GEMIN5: variants seen among roughly 807,000 people sequenced by gnomAD.
GEMIN5 encodes the protein gem-associated protein 5.
In GEMIN5, 124 loss-of-function variants were observed where a neutral mutation model predicts 176.9. That is an observed-to-expected ratio of 0.70 (90% CI 0.61 to 0.81). The LOEUF (loss-of-function observed/expected upper bound fraction) is 0.81, where lower values mean the gene tolerates loss of function less well. GEMIN5 is among the 40% of genes least tolerant of loss of function. The pLI is 0.00. For missense variants in GEMIN5, 1,843 were observed against 1,814.6 expected (o/e 1.02, Z -0.28); for synonymous variants, 673 against 665.2 (o/e 1.01, Z -0.18).
At chr5:154,928,883 A>G (rs543088989) in intron 5 of GEMIN5, among the ~76,000 whole-genome samples, 1 of 152,210 alleles carries the variant, frequency 6.6e-6, no homozygotes, top group East Asian at 1.9e-4. Flanking sequence ...ATTTAGGTCA[A>G]ACAAGCTTCG....
Position 154,888,220 on chromosome 5 carries a change from A to G in GEMIN5, c.4517T>C (p.Phe1506Ser). The change falls in exon 28 of 28, where the codon TTC (phenylalanine) becomes TCC (serine). Residue 1506 changes from phenylalanine (F) to serine (S), a missense_variant. Phe to Ser is a radical substitution (Grantham distance 155, BLOSUM62 -2). Coordinates refer to ENST00000285873, the MANE Select transcript of GEMIN5 (RefSeq NM_015465.5). ...TKTYRRHCQTFCM is the reference protein window; with the variant it reads ...TKTYRRHCQTSCM ...AAGGTGTGTGAAAATTCACATACAG[A>G]AGGTCTGGCAGTGTCTTCTGTAAGT... 1 of 1,614,102 alleles carries G rather than the reference A, an allele frequency of 6.2e-7. No homozygotes were observed. Among genetic ancestry groups the G allele is most frequent in the Non-Finnish European group, 8.5e-7 (1 of 1,179,976 alleles).
At position 154,916,935 on chromosome 5, in the gene GEMIN5, G is replaced by C. The variant is rs895049877; in HGVS notation, c.1855+63C>G. ...CAAAAATAAAGTAAAAAGTAACAAA[G>C]ATTAGAATGGAAAGTAGCTGAACAA... On this transcript the variant is annotated intron_variant, in intron 13 of 27. Coordinates refer to ENST00000285873, the MANE Select transcript of GEMIN5 (RefSeq NM_015465.5). 3.6e-6 allele frequency: 3 copies of C among 837,134 alleles called. No individual in the cohort carries two copies. In the African/African-American group the frequency reaches 5.2e-5, roughly 15 times the overall value. The allele number at this position is 837,134 out of a possible 1,614,324, so 51.9% of individuals were successfully genotyped here. A position where few individuals can be genotyped will look rare whatever the true frequency, so the allele number is the denominator to read the frequency against.
At chr5:154,898,793 T>C (rs541929800) in intron 22 of GEMIN5, 143 bp from the exon 23 acceptor site, 7 of 702,666 alleles carry the variant, frequency 1.0e-5, no homozygotes, top group Admixed American at 6.9e-5. Context: ...CGGTTGTTCC[T>C]GTGAAGGCTG....
At chr5:154,900,788 C>G (rs994063395) in intron 21 of GEMIN5, among the ~76,000 whole-genome samples, 2 of 152,142 alleles carry the variant, frequency 1.3e-5, no homozygotes, top group African/African-American at 4.8e-5. Flanking sequence ...TAACTGTAAG[C>G]TGAACAATTC....
intron 9 of GEMIN5, 38 bp downstream of exon 9, chr5:154,924,431 C>T (rs1763985373): frequency 7.3e-7 from 1 of 1,367,884 alleles, no homozygotes; most frequent in Non-Finnish European, 1.0e-6. Context: ...CTTTTGGCTC[C>T]CCGGGCCACA....
rs780588093 is a variant in GEMIN5 at position 154,898,457 on chromosome 5, G to A, written c.3328C>T (p.Leu1110=). 1 of 1,613,556 alleles carries A rather than the reference G, an allele frequency of 6.2e-7. No individual in the cohort carries two copies. The highest frequency in any genetic ancestry group is 2.2e-5 in the East Asian group (1 of 44,874). The change falls in exon 23 of 28, where the codon CTG becomes TTG. Residue 1110 remains leucine (L), a synonymous_variant. Transcript: ENST00000285873. ...NWVGAQEALQ[L]HESLQGQRLV... ...AGACTGACCTGTAGACTTTCATGCA[G>A]CTGCAGGGCTTCCTGGGCTCCCACC... is the stretch of plus-strand genomic sequence containing the variant.
chr5:154,928,784 G>T, intron 5 of GEMIN5, 125 bp from the exon 6 acceptor site: 1 of 754,604 alleles, frequency 1.3e-6, no homozygotes, highest in Non-Finnish European at 2.2e-6. Flanking sequence ...TTAGAATTCA[G>T]ATCTCATTTT....
At chr5:154,924,728 G>A (rs899489382) in intron 8 of GEMIN5, among the ~76,000 whole-genome samples, 174 bp from the exon 9 acceptor site, 3 of 152,108 alleles carry the variant, frequency 2.0e-5, no homozygotes, top group African/African-American at 4.8e-5. Context: ...AGTGGCTCAC[G>A]CCTGTAATCC....
Position 154,931,555 on chromosome 5 carries a change from C to A in GEMIN5, c.684G>T (p.Gly228=), listed in dbSNP as rs761043717. ...ETSEEAEITN[G]NAVAQAPVTK... ...TTACTGGAGCTTGTGCTACAGCATT[C>A]CCGTTGGTAATTTCAGCTTCTTCTA... Residue 228 remains glycine, a synonymous_variant, in exon 5 of 28, where the codon GGG becomes GGT. Transcript: ENST00000285873. 6.2e-7 allele frequency: 1 copy of A among 1,605,144 alleles called. No individual in the cohort carries two copies. The highest frequency in any genetic ancestry group is 1.1e-5 in the South Asian group (1 of 90,172).
intron 13 of GEMIN5, among the ~76,000 whole-genome samples, chr5:154,914,788 T>C (rs1240596661): frequency 6.6e-6 from 1 of 152,204 alleles, no homozygotes; most frequent in Non-Finnish European, 1.5e-5. Flanking sequence ...GTGTATATTT[T>C]AAGGGAAAGA....
intron 26 of GEMIN5, 99 bp downstream of exon 26, chr5:154,891,142 G>T: frequency 1.9e-6 from 2 of 1,049,880 alleles, no homozygotes; most frequent in Non-Finnish European, 2.6e-6. Context: ...TGATCCTCCT[G>T]CTTCAGCCTC....
At chr5:154,929,415 G>A (rs2112223) in intron 5 of GEMIN5, among the ~76,000 whole-genome samples, 126,869 of 152,082 alleles carry the variant, frequency 0.83, 53,632 homozygotes, top group East Asian at 0.91. Context: ...GGCAGTGAAC[G>A]TGCTGTGGGT....
rs1325108494 is a variant in GEMIN5, at chr5:154,891,390, CTG to C, written c.4111_4112del (p.Gln1371GlufsTer5). On this transcript the variant is annotated frameshift_variant, in exon 26 of 28. Coordinates refer to ENST00000285873, the MANE Select transcript of GEMIN5 (RefSeq NM_015465.5). LOFTEE classifies it high-confidence loss of function. ...SEKHASLQNS[Q>X]RTVAEVQETL... Reference sequence around the variant, plus strand: ...TCTCTTGGACTTCAGCAACAGTTCTCTGTGAGTTTTGGAGACTGGCATGCTTT... The same window carrying C: ...TCTCTTGGACTTCAGCAACAGTTCTCTGAGTTTTGGAGACTGGCATGCTTT... 4 of 1,614,142 alleles carry C rather than the reference CTG, an allele frequency of 2.5e-6. No individual in the cohort carries two copies. The highest frequency in any genetic ancestry group is 3.4e-6 in the Non-Finnish European group (4 of 1,180,026).
intron 27 of GEMIN5, among the ~76,000 whole-genome samples, chr5:154,888,667 C>A (rs934113517): frequency 2.6e-5 from 4 of 152,034 alleles, no homozygotes; most frequent in African/African-American, 9.7e-5. Context: ...ATATTTGGGC[C>A]CACAGCCAAA....
chr5:154,937,107 C>G lies in GEMIN5; in HGVS notation c.245G>C (p.Cys82Ser), dbSNP rs2113520873. 6.2e-7 allele frequency: 1 copy of G among 1,614,060 alleles called. No homozygotes were observed. Among genetic ancestry groups the G allele is most frequent in the East Asian group, 2.2e-5 (1 of 44,892 alleles). The change falls in exon 2 of 28, where the codon TGT (cysteine) becomes TCT (serine). Residue 82 changes from cysteine to serine, a missense_variant. Physicochemically the swap from Cys to Ser is moderately radical, Grantham distance 112 (BLOSUM62 -1). Coordinates refer to ENST00000285873, the MANE Select transcript of GEMIN5 (RefSeq NM_015465.5). The stretch of plus-strand genomic sequence containing the variant: ...AGTCCCATCGTCGGAGCTGGTGGCA[C>G]AGAGGTTGTACTGACCAGGGTGATG... Reference protein sequence around the residue: ...FSHHPGQYNLCATSSDDGTVK... With the variant: ...FSHHPGQYNLSATSSDDGTVK...
rs774483456 is a variant in GEMIN5 at position 154,891,665 on chromosome 5, A to G, written c.3838T>C (p.Phe1280Leu). The change falls in exon 26 of 28, where the codon TTT (phenylalanine) becomes CTT (leucine). Residue 1280 changes from phenylalanine (F) to leucine (L), a missense_variant. Phe to Leu is a conservative substitution (Grantham distance 22, BLOSUM62 0). Coordinates refer to ENST00000285873, the MANE Select transcript of GEMIN5 (RefSeq NM_015465.5). ...TPAFKSLEAF[F>L]LYGRLYEFWW... The stretch of plus-strand genomic sequence containing the variant: ...AATTCATACAGACGCCCATAAAGAA[A>G]AAAGGCCTCCAAACTTTTGAAAGCT... 1.1e-5 allele frequency: 17 copies of G among 1,612,756 alleles called. No individual in the cohort carries two copies. Among genetic ancestry groups the G allele is most frequent in the Non-Finnish European group, 1.4e-5 (17 of 1,179,764 alleles).
chr5:154,907,023 G>GT (rs1339646036), intron 16 of GEMIN5, among the ~76,000 whole-genome samples: 1 of 152,144 alleles, frequency 6.6e-6, no homozygotes, highest in African/African-American at 2.4e-5. Context: ...TTACCTAACA[G>GT]TTTTTTTGTT....
chr5:154,905,368 T>C lies in GEMIN5; in HGVS notation c.2504A>G (p.Lys835Arg), dbSNP rs61749644. 4.3e-3 allele frequency: 6,588 copies of C among 1,547,400 alleles called. 16 individuals are homozygous for C. The highest frequency in any genetic ancestry group is 5.4e-3 in the Non-Finnish European group (6,072 of 1,126,912). ...ILLKKEPPKE[K>R]PETLIKKRKA... Reference sequence around the variant, plus strand: ...TTTAATTACTAGATACCAACCTGGCTTCTCTTTTGGTGGCTCCTTTTTCAG... The same window carrying C: ...TTTAATTACTAGATACCAACCTGGCCTCTCTTTTGGTGGCTCCTTTTTCAG... Residue 835 changes from lysine (K) to arginine (R), a missense_variant, in exon 17 of 28, where the codon AAG becomes AGG. Lys to Arg is a conservative substitution (Grantham distance 26, BLOSUM62 2). Coordinates refer to ENST00000285873, the MANE Select transcript of GEMIN5 (RefSeq NM_015465.5).
intron 23 of GEMIN5, among the ~76,000 whole-genome samples, chr5:154,897,914 G>GTT (rs35458616): frequency 0.38 from 47,629 of 124,388 alleles, 10,527 homozygotes; most frequent in Middle Eastern, 0.47. Flanking sequence ...TTTTTTTTGT[G>GTT]TTTTTTTTTT....
Sources: allele counts gnomAD v4.1 joint callset (sites outside exome capture counted in the v4.1 genomes callset), GRCh38; gene constraint gnomAD v4.1.1; transcripts MANE v1.5; gene names NCBI Gene and HGNC (gene_info 2026-07-23, HGNC 2026-07-21).